The following ARHGAP32 variants were observed in gnomAD, a reference collection of about 807,000 sequenced individuals.
ARHGAP32 encodes the protein rho GTPase-activating protein 32.
ARHGAP32 carries 51 observed loss-of-function variants against 186.5 expected under a neutral mutation model. That is an observed-to-expected ratio of 0.27 (90% CI 0.22 to 0.35). ARHGAP32 has a LOEUF of 0.35. ARHGAP32 is among the 10% of genes least tolerant of loss of function. ARHGAP32 has a pLI of 1.00. For synonymous variants in ARHGAP32, 950 were observed against 964.3 expected (o/e 0.99, Z 0.27); for missense variants, 2,186 against 2,623.5 (o/e 0.83, Z 3.64).
chr11:129,092,122 C>T lies in ARHGAP32; in HGVS notation c.531+1499G>A, dbSNP rs189857081. Among the ~76,000 whole-genome samples the T allele has an allele frequency of 1.9e-3, 292 of 151,980 alleles. 1 individual carries two copies. Among genetic ancestry groups the T allele is most frequent in the African/African-American group, 5.5e-3 (229 of 41,492 alleles). On this transcript the variant is annotated intron_variant, in intron 6 of 22. Coordinates refer to ENST00000682385, the MANE Select transcript of ARHGAP32 (RefSeq NM_001378024.1). ...CAGGAAACGAACTATCTATCTAGGT[C>T]ACTAATACTGTACATGAATATAAAA...
In ARHGAP32 at chr11:129,245,910, G is replaced by A. The variant is rs182506369; in HGVS notation, c.-5+33236C>T. On this transcript the variant is annotated intron_variant, in intron 1 of 6. Coordinates refer to the ARHGAP32 transcript ENST00000525234. ...AGCTACTATGCCTAAATAATTTATTGGAAGTTATTTCACAGTATTTTCTCA... is the reference window on the plus strand; with the variant it reads ...AGCTACTATGCCTAAATAATTTATTAGAAGTTATTTCACAGTATTTTCTCA... Among the ~76,000 whole-genome samples, 39 of 152,080 alleles carry A rather than the reference G, an allele frequency of 2.6e-4. No homozygotes were observed. In the East Asian group the frequency reaches 7.0e-3, roughly 27 times the overall value.
intron 1 of ARHGAP32, among the ~76,000 whole-genome samples, chr11:129,253,574 C>T (rs761393637): frequency 3.9e-5 from 6 of 151,976 alleles, no homozygotes; most frequent in Non-Finnish European, 7.4e-5. Context: ...CTGATACTAA[C>T]ACATTGTACT....
chr11:129,159,966 C>G (rs545921101), intron 2 of ARHGAP32, among the ~76,000 whole-genome samples: 1 of 151,932 alleles, frequency 6.6e-6, no homozygotes, highest in South Asian at 2.1e-4. Context: ...AATAACAAAA[C>G]AGAACCAATG....
rs1209214511 is a variant in ARHGAP32 at position 128,967,412 on chromosome 11, T to C, written c.*1495A>G. The C allele has an allele frequency of 1.3e-5, 2 of 152,210 alleles. No homozygotes were observed. The highest frequency in any genetic ancestry group is 2.1e-4 in the South Asian group (1 of 4,832). 9.4% of individuals were successfully genotyped at this position (152,210 alleles called of 1,614,324 possible). On this transcript the variant is annotated 3_prime_UTR_variant, in exon 23 of 23. Coordinates refer to ENST00000682385, the MANE Select transcript of ARHGAP32 (RefSeq NM_001378024.1). The stretch of plus-strand genomic sequence containing the variant: ...CGAGCATTTAAAATACGTGAATGTA[T>C]AAAACTTGAGTATTATTAAGAGTTA...
At chr11:129,087,781 ATGTACCAC>A (rs1941453762) in intron 6 of ARHGAP32, among the ~76,000 whole-genome samples, 1 of 152,222 alleles carries the variant, frequency 6.6e-6, no homozygotes, top group African/African-American at 2.4e-5. Flanking sequence ...ATGATAACAA[ATGTACCAC>A]TGTGGTGTGG....
chr11:128,972,241 A>T (rs1254426330), intron 22 of ARHGAP32: 4 of 384,896 alleles, frequency 1.0e-5, no homozygotes, highest in Non-Finnish European at 1.4e-5. Context: ...GTTAAGCTAT[A>T]GTCATCTAGG....
chr11:129,030,040 G>A (rs2134958912), intron 11 of ARHGAP32, among the ~76,000 whole-genome samples: 1 of 152,234 alleles, frequency 6.6e-6, no homozygotes, highest in East Asian at 1.9e-4. Flanking sequence ...TGTATTTGGG[G>A]AGAAAGCTTC....
At chr11:129,158,806 T>C (rs1322092236) in intron 2 of ARHGAP32, among the ~76,000 whole-genome samples, 3 of 152,144 alleles carry the variant, frequency 2.0e-5, no homozygotes, top group Non-Finnish European at 1.5e-5. Flanking sequence ...GACCACATAA[T>C]TGGAAGTAAA....
At chr11:129,021,137 G>C (rs886783964) in intron 11 of ARHGAP32, among the ~76,000 whole-genome samples, 4 of 152,020 alleles carry the variant, frequency 2.6e-5, no homozygotes, top group South Asian at 2.1e-4. Context: ...ATTCAAACAG[G>C]GTTCTATCTA....
At chr11:129,075,678 C>T (rs1401600479) in intron 6 of ARHGAP32, among the ~76,000 whole-genome samples, 2 of 152,056 alleles carry the variant, frequency 1.3e-5, no homozygotes, top group Admixed American at 1.3e-4. Context: ...GATAGAATAC[C>T]TTAACAACAA....
At chr11:129,202,952 A>T (rs1037928445) in intron 1 of ARHGAP32, 4 of 152,244 alleles carry the variant, frequency 2.6e-5, no homozygotes, top group African/African-American at 4.8e-5. Context: ...ATTCTACTGA[A>T]TGAAATCAAA....
intron 1 of ARHGAP32, among the ~76,000 whole-genome samples, chr11:129,166,183 T>C (rs909792310): frequency 3.3e-5 from 5 of 151,134 alleles, no homozygotes; most frequent in African/African-American, 1.2e-4. Flanking sequence ...GTAGAAAATA[T>C]CCACATTGAA....
chr11:129,084,604 C>A (rs1378967583), intron 6 of ARHGAP32, among the ~76,000 whole-genome samples: 1 of 151,922 alleles, frequency 6.6e-6, no homozygotes, highest in East Asian at 1.9e-4. Context: ...TAAGAAAATC[C>A]ATCACCCATT....
At chr11:129,239,302 G>A (rs1033391346) in intron 1 of ARHGAP32, among the ~76,000 whole-genome samples, 2 of 152,130 alleles carry the variant, frequency 1.3e-5, no homozygotes, top group Admixed American at 6.6e-5. Context: ...CACTTACTCT[G>A]TTAGAACATG....
intron 2 of ARHGAP32, among the ~76,000 whole-genome samples, chr11:129,132,366 G>A (rs1002708056): frequency 6.6e-6 from 1 of 152,108 alleles, no homozygotes; most frequent in South Asian, 2.1e-4. Flanking sequence ...TGTAGTTGCA[G>A]CTACTCAGTG....
rs1176844548 is a variant in ARHGAP32 at position 128,965,935 on chromosome 11, A to C, written c.*2972T>G. 2 of 152,196 alleles carry C rather than the reference A, an allele frequency of 1.3e-5. No homozygotes were observed. Among genetic ancestry groups the C allele is most frequent in the Admixed American group, 1.3e-4 (2 of 15,282 alleles). 9.4% of individuals were successfully genotyped at this position (152,196 alleles called of 1,614,324 possible). On this transcript the variant is annotated 3_prime_UTR_variant, in exon 23 of 23. Coordinates refer to ENST00000682385, the MANE Select transcript of ARHGAP32 (RefSeq NM_001378024.1). ...TCCTAGAATTTTTCAACCTGACCCT[A>C]AATTTTAAAAAATGCTTTGCCATTG...
intron 10 of ARHGAP32, among the ~76,000 whole-genome samples, chr11:129,044,686 T>C (rs929985616): frequency 8.8e-4 from 26 of 29,508 alleles, no homozygotes; most frequent in Admixed American, 6.3e-3. Flanking sequence ...CATTTCAATA[T>C]ATAAAATCTG....
At chr11:128,993,677 T>C (rs1263186207) in intron 12 of ARHGAP32, among the ~76,000 whole-genome samples, 7 of 151,882 alleles carry the variant, frequency 4.6e-5, no homozygotes, top group African/African-American at 7.3e-5. Flanking sequence ...TTATAGGTCA[T>C]GGACAATACA....
intron 1 of ARHGAP32, among the ~76,000 whole-genome samples, chr11:129,212,866 T>C (rs1944597980): frequency 6.6e-6 from 1 of 151,974 alleles, no homozygotes; most frequent in African/African-American, 2.4e-5. Flanking sequence ...TTTTTTTAAA[T>C]TGTGATCCAG....
Sources: gnomAD v4.1 joint callset for allele counts (sites outside exome capture counted in the v4.1 genomes callset) on GRCh38, gnomAD v4.1.1 for gene constraint, MANE v1.5 for transcripts, NCBI Gene and HGNC (gene_info 2026-07-23, HGNC 2026-07-21) for gene names.